DNAH11: variants seen among roughly 807,000 people sequenced by gnomAD.
DNAH11 encodes the protein dynein axonemal heavy chain 11.
A neutral mutation model predicts 526.0 loss-of-function variants in DNAH11; 442 were observed. The ratio of observed to expected loss-of-function variants is 0.84; its 90% CI spans 0.78 to 0.91. DNAH11 has a LOEUF of 0.91. Among genes scored for constraint, DNAH11 ranks in the 40% least tolerant of loss-of-function variants. The pLI is 0.00. For synonymous variants in DNAH11, 2,461 were observed against 1,935.9 expected (o/e 1.27, Z -7.12); for missense variants, 6,989 against 5,448.7 (o/e 1.28, Z -8.90).
At chr7:21,762,562 T>C (rs1786969275) in intron 54 of DNAH11, among the ~76,000 whole-genome samples, 2 of 152,156 alleles carry the variant, frequency 1.3e-5, no homozygotes, top group Non-Finnish European at 2.9e-5. Flanking sequence ...AATTGAGATA[T>C]AGGTAAAAAC....
At chr7:21,612,368 A>G (rs754882373) in intron 20 of DNAH11, among the ~76,000 whole-genome samples, 1 of 152,002 alleles carries the variant, frequency 6.6e-6, no homozygotes, top group Non-Finnish European at 1.5e-5. Flanking sequence ...ATCCTGGCTA[A>G]TACGGTGAAA....
chr7:21,797,524 A>G (rs1788773918), intron 61 of DNAH11, among the ~76,000 whole-genome samples: 1 of 148,644 alleles, frequency 6.7e-6, no homozygotes, highest in Non-Finnish European at 1.5e-5. Flanking sequence ...CAGCCCTTGA[A>G]CTATTTTTTC....
intron 25 of DNAH11, among the ~76,000 whole-genome samples, chr7:21,634,798 A>AC (rs892775073): frequency 9.2e-5 from 14 of 151,926 alleles, no homozygotes; most frequent in Non-Finnish European, 1.0e-4. Context: ...CTGCATATGT[A>AC]CCCCCCCGAA....
At chr7:21,553,590 A>G (rs994757230) in intron 2 of DNAH11, among the ~76,000 whole-genome samples, 1 of 152,188 alleles carries the variant, frequency 6.6e-6, no homozygotes, top group Non-Finnish European at 1.5e-5. Context: ...ATCAACGGTC[A>G]TGAGGTGGAT....
chr7:21,551,922 C>G (rs901264634), intron 2 of DNAH11, among the ~76,000 whole-genome samples: 15 of 152,194 alleles, frequency 9.9e-5, no homozygotes, highest in Admixed American at 2.6e-4. Flanking sequence ...TGTTAACTAT[C>G]TCCTGGCTTT....
intron 8 of DNAH11, among the ~76,000 whole-genome samples, chr7:21,576,768 A>G (rs1273008842): frequency 6.6e-6 from 1 of 152,200 alleles, no homozygotes; most frequent in Non-Finnish European, 1.5e-5. Context: ...TGTAAAAACA[A>G]AGTGTTCAAT....
At chr7:21,885,233 T>G (rs1185081621) in intron 76 of DNAH11, among the ~76,000 whole-genome samples, 1 of 144,028 alleles carries the variant, frequency 6.9e-6, no homozygotes, top group Non-Finnish European at 1.5e-5. Context: ...TAACATATCA[T>G]GGTAATATAG....
intron 30 of DNAH11, among the ~76,000 whole-genome samples, chr7:21,680,185 T>C (rs1167216241): frequency 1.3e-5 from 2 of 152,156 alleles, no homozygotes; most frequent in African/African-American, 4.8e-5. Context: ...TTTCGCATTT[T>C]CCGGGGCATG....
At chr7:21,807,207 C>T (rs1241303248) in intron 62 of DNAH11, among the ~76,000 whole-genome samples, 1 of 152,098 alleles carries the variant, frequency 6.6e-6, no homozygotes, top group Non-Finnish European at 1.5e-5. Context: ...CATTAAAAAT[C>T]CTGACATCAG....
intron 54 of DNAH11, among the ~76,000 whole-genome samples, chr7:21,763,032 C>T (rs772956612): frequency 2.6e-5 from 4 of 152,210 alleles, no homozygotes; most frequent in Admixed American, 6.5e-5. Context: ...AAAGGACTTA[C>T]GTAGACATTT....
chr7:21,862,196 G>A (rs1783091274), intron 69 of DNAH11, among the ~76,000 whole-genome samples, 173 bp downstream of exon 69: 1 of 151,228 alleles, frequency 6.6e-6, no homozygotes, highest in Admixed American at 6.6e-5. Flanking sequence ...GCATGTGACA[G>A]CCTTCTCCTA....
intron 62 of DNAH11, among the ~76,000 whole-genome samples, chr7:21,805,220 G>A (rs1293743105): frequency 6.6e-6 from 1 of 152,118 alleles, no homozygotes. Flanking sequence ...CACTTGCTCT[G>A]TTAACATTTT....
chr7:21,867,072 G>T (rs941882783), intron 71 of DNAH11, among the ~76,000 whole-genome samples: 1 of 152,132 alleles, frequency 6.6e-6, no homozygotes, highest in East Asian at 1.9e-4. Flanking sequence ...TCCTTTCATG[G>T]AGTCACTCAT....
chr7:21,738,636 GA>G, intron 46 of DNAH11, 64 bp from the exon 47 acceptor site: 1 of 1,468,164 alleles, frequency 6.8e-7, no homozygotes. Context: ...AAGAACAAGA[GA>G]AAAATGACTA....
In DNAH11 at chr7:21,735,640, A is replaced by G. The variant is rs1785573156; in HGVS notation, c.7441A>G (p.Thr2481Ala). The G allele has an allele frequency of 1.3e-6, 2 of 1,576,736 alleles. No homozygotes were observed. The highest frequency in any genetic ancestry group is 1.3e-5 in the African/African-American group (1 of 74,334). The change falls in exon 46 of 82, where the codon ACA becomes GCA. Residue 2481 changes from threonine (T) to alanine (A), a missense_variant and splice_region_variant. Coordinates refer to ENST00000409508, the MANE Select transcript of DNAH11 (RefSeq NM_001277115.2). ...TGTCTCATTCTGTTTCTCCTCCCAGACAGTTCTCGTTCACACAACAGAGAC... is the reference window on the plus strand; with the variant it reads ...TGTCTCATTCTGTTTCTCCTCCCAGGCAGTTCTCGTTCACACAACAGAGAC... ...FTMDPDVPLQTVLVHTTETAR... is the reference protein window; with the variant it reads ...FTMDPDVPLQAVLVHTTETAR...
intron 7 of DNAH11, among the ~76,000 whole-genome samples, chr7:21,571,278 G>C (rs1300017818): frequency 1.3e-5 from 2 of 151,992 alleles, no homozygotes; most frequent in Non-Finnish European, 2.9e-5. Flanking sequence ...CTGCGAGATA[G>C]TTTTTGTTTT....
chr7:21,725,800 G>T lies in DNAH11; in HGVS notation c.7267-11G>T. On this transcript the variant is annotated splice_polypyrimidine_tract_variant and intron_variant, in intron 44 of 81. Transcript: ENST00000409508. Reference sequence around the variant, plus strand: ...TGAGTCTGCAATAAGGATTTCTTTTGTTCTCCTTAGATTTCTGATTATCAA... The same window carrying T: ...TGAGTCTGCAATAAGGATTTCTTTTTTTCTCCTTAGATTTCTGATTATCAA... 1 of 1,603,832 alleles carries T rather than the reference G, an allele frequency of 6.2e-7. No homozygotes were observed. The highest frequency in any genetic ancestry group is 8.5e-7 in the Non-Finnish European group (1 of 1,174,782).
intron 42 of DNAH11, among the ~76,000 whole-genome samples, chr7:21,713,419 A>G (rs1784535129): frequency 6.6e-6 from 1 of 152,146 alleles, no homozygotes; most frequent in Non-Finnish European, 1.5e-5. Flanking sequence ...CAACAGGGTC[A>G]TGTCAGGATG....
chr7:21,611,854 A>G (rs1785534469), intron 20 of DNAH11, among the ~76,000 whole-genome samples: 1 of 152,218 alleles, frequency 6.6e-6, no homozygotes, highest in Non-Finnish European at 1.5e-5. Context: ...CCAATAAACC[A>G]TTACTAACAT....
Sources: gnomAD v4.1 joint callset for allele counts (sites outside exome capture counted in the v4.1 genomes callset) on GRCh38, gnomAD v4.1.1 for gene constraint, MANE v1.5 for transcripts, NCBI Gene and HGNC (gene_info 2026-07-23, HGNC 2026-07-21) for gene names.